Variants in PIGK observed in about 807,000 individuals in gnomAD.
The protein encoded by PIGK is GPI-anchor transamidase.
In PIGK, 42 loss-of-function variants were observed where a neutral mutation model predicts 50.6. The ratio of observed to expected loss-of-function variants is 0.83; its 90% CI spans 0.65 to 1.07. The LOEUF is 1.07. Among genes scored for constraint, PIGK ranks in the 50% least tolerant of loss-of-function variants. The pLI, the probability that PIGK is intolerant of heterozygous loss-of-function variation, is 0.00. For synonymous variants in PIGK, 151 were observed against 156.0 expected (o/e 0.97, Z 0.24); for missense variants, 448 against 488.7 (o/e 0.92, Z 0.78).
At chr1:77,190,670 A>G (rs1260848917) in intron 3 of PIGK, among the ~76,000 whole-genome samples, 1 of 152,222 alleles carries the variant, frequency 6.6e-6, no homozygotes, top group African/African-American at 2.4e-5. Context: ...CCTCAATTGT[A>G]AAACTAAGAT....
In PIGK at chr1:77,187,968, A is replaced by G. The variant is rs180771979; in HGVS notation, c.240-18573T>C. ...TTTCATGGACACTTATCACTTCCCC[A>G]ATCAATACCCTTGTGATTTCCTATG... On this transcript the variant is annotated intron_variant, in intron 3 of 10. Transcript: ENST00000370812. Among the ~76,000 whole-genome samples, 253 of 152,314 alleles carry G rather than the reference A, an allele frequency of 1.7e-3. 1 individual carries two copies. Among genetic ancestry groups the G allele is most frequent in the African/African-American group, 5.8e-3 (241 of 41,570 alleles).
chr1:77,197,586 T>C (rs976417758), intron 3 of PIGK, among the ~76,000 whole-genome samples: 4 of 152,202 alleles, frequency 2.6e-5, no homozygotes, highest in African/African-American at 9.6e-5. Context: ...TCTCGTCACA[T>C]ATATGCTTTG....
chr1:77,194,054 GACAA>G (rs374904010), intron 3 of PIGK, among the ~76,000 whole-genome samples: 22 of 140,902 alleles, frequency 1.6e-4, no homozygotes, highest in African/African-American at 4.2e-4. Context: ...CTCAAAAGAA[GACAA>G]ACAGCCAACA....
chr1:77,103,468 GGA>G (rs1039468985), intron 10 of PIGK, among the ~76,000 whole-genome samples: 1 of 152,166 alleles, frequency 6.6e-6, no homozygotes, highest in Non-Finnish European at 1.5e-5. Flanking sequence ...TAAATGCTAA[GGA>G]ATTATCTGCC....
intron 4 of PIGK, among the ~76,000 whole-genome samples, chr1:77,168,109 T>A (rs1365194488): frequency 6.6e-6 from 1 of 152,244 alleles, no homozygotes; most frequent in Non-Finnish European, 1.5e-5. Flanking sequence ...GTTAGTGGTA[T>A]CTTTAACATG....
chr1:77,150,599 T>A lies in PIGK; in HGVS notation c.986+3850A>T, dbSNP rs188675695. Among the ~76,000 whole-genome samples, 667 of 151,472 alleles carry A rather than the reference T, an allele frequency of 4.4e-3. 5 individuals are homozygous for A. The highest frequency in any genetic ancestry group is 0.016 in the African/African-American group (645 of 41,242). Reference sequence around the variant, plus strand: ...TTTGAAAATATAAAATTGACAAACCTGTAGTTAGACTAAGAAAAAAGATTA... The same window carrying A: ...TTTGAAAATATAAAATTGACAAACCAGTAGTTAGACTAAGAAAAAAGATTA... On this transcript the variant is annotated intron_variant, in intron 9 of 10. Transcript: ENST00000370812.
At chr1:77,188,695 C>A (rs1156458453) in intron 3 of PIGK, among the ~76,000 whole-genome samples, 3 of 152,284 alleles carry the variant, frequency 2.0e-5, no homozygotes, top group Non-Finnish European at 4.4e-5. Flanking sequence ...GTTTTTGTGG[C>A]TTGTGGGGCA....
chr1:77,176,252 T>C (rs1043054439), intron 3 of PIGK, among the ~76,000 whole-genome samples: 2 of 152,178 alleles, frequency 1.3e-5, no homozygotes, highest in Non-Finnish European at 2.9e-5. Flanking sequence ...TTCAAAATTA[T>C]CTTTTCTGAC....
chr1:77,154,577 A>G lies in PIGK; in HGVS notation c.858T>C (p.His286=). ...PKSLCVSTPG[H]RTDLFQRDPK... ...GATCCCTCTGAAAAAGATCAGTGCG[A>G]TGTCCAGGAGTAGACACACACAGAC... is the stretch of plus-strand genomic sequence containing the variant. Residue 286 remains histidine (H), a synonymous_variant, in exon 9 of 11, where the codon CAT becomes CAC. Coordinates refer to ENST00000370812, the MANE Select transcript of PIGK (RefSeq NM_005482.3). 7 of 1,613,020 alleles carry G rather than the reference A, an allele frequency of 4.3e-6. No homozygotes were observed. Among genetic ancestry groups the G allele is most frequent in the Non-Finnish European group, 5.1e-6 (6 of 1,179,194 alleles).
chr1:77,183,370 C>T (rs1655665679), intron 3 of PIGK, among the ~76,000 whole-genome samples: 1 of 152,174 alleles, frequency 6.6e-6, no homozygotes, highest in Non-Finnish European at 1.5e-5. Context: ...GAGATAAATC[C>T]TATGCTGCCT....
intron 3 of PIGK, among the ~76,000 whole-genome samples, chr1:77,182,291 G>A (rs937420140): frequency 3.3e-5 from 5 of 152,206 alleles, no homozygotes; most frequent in African/African-American, 1.2e-4. Flanking sequence ...GAAGCATCCA[G>A]CAGGGGAGAA....
intron 3 of PIGK, among the ~76,000 whole-genome samples, chr1:77,201,243 T>C (rs999362108): frequency 6.6e-6 from 1 of 152,230 alleles, no homozygotes; most frequent in Non-Finnish European, 1.5e-5. Flanking sequence ...CTCCTACTTC[T>C]AATTCTAATA....
chr1:77,140,073 C>T (rs1654613371), intron 9 of PIGK, among the ~76,000 whole-genome samples: 1 of 152,120 alleles, frequency 6.6e-6, no homozygotes, highest in South Asian at 2.1e-4. Flanking sequence ...TGTCCCTGCT[C>T]AAATATCAGG....
At chr1:77,182,912 TA>T (rs532145789) in intron 3 of PIGK, among the ~76,000 whole-genome samples, 78 of 152,148 alleles carry the variant, frequency 5.1e-4, no homozygotes, top group Middle Eastern at 3.2e-3. Context: ...CCAAGGAACA[TA>T]ATGAAGCTGG....
intron 4 of PIGK, 47 bp from the exon 5 acceptor site, chr1:77,166,877 A>T (rs1655247178): frequency 1.2e-6 from 1 of 854,058 alleles, no homozygotes; most frequent in East Asian, 2.5e-5. Flanking sequence ...AAACCTGGGA[A>T]ATCTTGACAA....
intron 3 of PIGK, among the ~76,000 whole-genome samples, chr1:77,184,798 C>T (rs78640576): frequency 0.11 from 16,841 of 152,158 alleles, 1,147 homozygotes; most frequent in East Asian, 0.22. Flanking sequence ...AGGGTGAGCA[C>T]TATTACAGTG....
At chr1:77,177,633 G>C (rs982994412) in intron 3 of PIGK, among the ~76,000 whole-genome samples, 2 of 152,186 alleles carry the variant, frequency 1.3e-5, no homozygotes, top group Non-Finnish European at 2.9e-5. Context: ...TGAAGGCTGT[G>C]AGACCCCTGA....
chr1:77,208,911 C>G (rs1028562272), intron 2 of PIGK, among the ~76,000 whole-genome samples: 1 of 152,146 alleles, frequency 6.6e-6, no homozygotes, highest in Non-Finnish European at 1.5e-5. Context: ...TACAAAGCCT[C>G]AAACTTCATT....
At chr1:77,178,996 G>A (rs1557815595) in intron 3 of PIGK, among the ~76,000 whole-genome samples, 1 of 152,206 alleles carries the variant, frequency 6.6e-6, no homozygotes, top group Non-Finnish European at 1.5e-5. Context: ...GGTGGCCACT[G>A]TTTTGGACTG....
Sources: gnomAD v4.1 joint callset for allele counts (sites outside exome capture counted in the v4.1 genomes callset) on GRCh38, gnomAD v4.1.1 for gene constraint, MANE v1.5 for transcripts, NCBI Gene and HGNC (gene_info 2026-07-23, HGNC 2026-07-21) for gene names.